The following ATP6V0D1 variants were observed in gnomAD, a reference collection of about 807,000 sequenced individuals.
ATP6V0D1 encodes ATPase H+ transporting V0 subunit d1, also known as V-type proton ATPase subunit d 1.
A neutral mutation model predicts 39.0 loss-of-function variants in ATP6V0D1; 13 were observed. The ratio of observed to expected loss-of-function variants is 0.33; its 90% CI spans 0.22 to 0.53. The LOEUF (loss-of-function observed/expected upper bound fraction) is 0.53. Ranked by LOEUF, ATP6V0D1 falls within the 20% of genes least tolerant of loss-of-function variation. The probability of loss-of-function intolerance (pLI) is 0.94; values close to 1 mark genes in which losing one functional copy is unlikely to be tolerated. For synonymous variants in ATP6V0D1, 191 were observed against 191.2 expected (o/e 1.00, Z 0.01); for missense variants, 272 against 470.9 (o/e 0.58, Z 3.91).
chr16:67,458,617 C>G (rs565208154), intron 1 of ATP6V0D1, among the ~76,000 whole-genome samples: 3 of 152,206 alleles, frequency 2.0e-5, no homozygotes, highest in Admixed American at 1.3e-4. Flanking sequence ...CATGGCCCAA[C>G]AACAGGAATG....
chr16:67,476,296 GGC>G (rs1221675322), intron 1 of ATP6V0D1, among the ~76,000 whole-genome samples: 2,521 of 150,932 alleles, frequency 0.017, 73 homozygotes, highest in African/African-American at 0.056. Context: ...AAAAAGACTT[GGC>G]AGTCAACTGA....
At chr16:67,459,133 G>A (rs1379376540) in intron 1 of ATP6V0D1, 9 of 985,434 alleles carry the variant, frequency 9.1e-6, no homozygotes, top group Non-Finnish European at 6.0e-6. Context: ...GCTACTTGCT[G>A]GCCAGAGTGA....
At chr16:67,457,762 C>A in intron 1 of ATP6V0D1, 1 of 644,150 alleles carries the variant, frequency 1.6e-6, no homozygotes, top group Non-Finnish European at 2.5e-6. Context: ...AAGCAAACAC[C>A]CCTGTGCCTT....
chr16:67,476,980 C>G (rs761536908), intron 1 of ATP6V0D1, among the ~76,000 whole-genome samples: 2 of 146,642 alleles, frequency 1.4e-5, no homozygotes, highest in East Asian at 4.0e-4. Context: ...TTGCAGTGAG[C>G]CGAGATGTCC....
In ATP6V0D1 at chr16:67,453,705, C is replaced by G. The variant is rs2041207477; in HGVS notation, c.141G>C (p.Leu47=). The G allele has an allele frequency of 6.2e-7, 1 of 1,613,828 alleles. No homozygotes were observed. The highest frequency in any genetic ancestry group is 1.3e-5 in the African/African-American group (1 of 74,908). Residue 47 remains leucine (L), a synonymous_variant, in exon 2 of 8, where the codon CTG becomes CTC. Transcript: ENST00000290949. The surrounding 1 kb of genome is among the most constrained non-coding windows in gnomAD (Gnocchi z 4.1). ...TACCATAATCAGTGCTCTGCAGATG[C>G]AGTTTCAAGTCTGAAACCCAAGGGT... ...VQCETLEDLK[L]HLQSTDYGNF... is the part of the protein sequence containing the mutation.
At chr16:67,441,667 G>A (rs575840180) in intron 4 of ATP6V0D1, 3 of 152,380 alleles carry the variant, frequency 2.0e-5, no homozygotes, top group South Asian at 2.1e-4. Context: ...CAAACAAGCT[G>A]AGCCAGGTGT....
chr16:67,469,035 C>T (rs144451786), intron 1 of ATP6V0D1, among the ~76,000 whole-genome samples: 42 of 152,278 alleles, frequency 2.8e-4, no homozygotes, highest in African/African-American at 9.6e-4. Flanking sequence ...AAAGGCCAGG[C>T]GCGGTGGCTC....
At chr16:67,459,882 G>C (rs2041275580) in intron 1 of ATP6V0D1, among the ~76,000 whole-genome samples, 1 of 152,248 alleles carries the variant, frequency 6.6e-6, no homozygotes, top group Non-Finnish European at 1.5e-5. Context: ...CCAGCATACT[G>C]GGCGGGGCAG....
At chr16:67,464,321 G>C (rs1046390502) in intron 1 of ATP6V0D1, among the ~76,000 whole-genome samples, 1 of 152,176 alleles carries the variant, frequency 6.6e-6, no homozygotes, top group African/African-American at 2.4e-5. Flanking sequence ...AATAGATAAA[G>C]GGGGAAAAAA....
intron 1 of ATP6V0D1, among the ~76,000 whole-genome samples, chr16:67,472,791 A>G (rs1230024638): frequency 6.6e-6 from 1 of 152,112 alleles, no homozygotes; most frequent in Non-Finnish European, 1.5e-5. Flanking sequence ...AATGGCGTGA[A>G]CCCAGGAGGC....
At chr16:67,449,275 C>T (rs1378512979) in intron 2 of ATP6V0D1, among the ~76,000 whole-genome samples, 1 of 152,230 alleles carries the variant, frequency 6.6e-6, no homozygotes, top group Non-Finnish European at 1.5e-5. Flanking sequence ...CATTCAAAGA[C>T]AAAGGCCTTT....
intron 1 of ATP6V0D1, among the ~76,000 whole-genome samples, chr16:67,462,346 C>A (rs1477074796): frequency 6.6e-6 from 1 of 152,232 alleles, no homozygotes; most frequent in African/African-American, 2.4e-5. Flanking sequence ...TATTTCTTCT[C>A]CAGGTTTGCC....
chr16:67,467,175 C>T (rs990784410), intron 1 of ATP6V0D1, among the ~76,000 whole-genome samples: 14 of 152,250 alleles, frequency 9.2e-5, no homozygotes, highest in Admixed American at 3.9e-4. Flanking sequence ...GCTTTTCCTC[C>T]CCCACACCCC....
At chr16:67,440,048 G>C (rs1471295239) in intron 4 of ATP6V0D1, 1 of 152,302 alleles carries the variant, frequency 6.6e-6, no homozygotes, top group Admixed American at 6.5e-5. Flanking sequence ...GTGTCCGTAG[G>C]CTGGTGAGGA....
intron 1 of ATP6V0D1, among the ~76,000 whole-genome samples, chr16:67,462,552 C>A (rs1240088689): frequency 1.3e-5 from 2 of 152,198 alleles, no homozygotes; most frequent in African/African-American, 4.8e-5. Context: ...AGGCTGGGCA[C>A]AGTGGCTCAC....
chr16:67,455,571 A>C (rs2041229716), intron 1 of ATP6V0D1: 1 of 152,188 alleles, frequency 6.6e-6, no homozygotes, highest in African/African-American at 2.4e-5. Context: ...GCAATTGACC[A>C]CTACTTTTCT....
intron 1 of ATP6V0D1, 70 bp downstream of exon 1, chr16:67,480,886 TC>T: frequency 6.4e-7 from 1 of 1,569,462 alleles, no homozygotes; most frequent in Non-Finnish European, 8.7e-7. Flanking sequence ...CCTTCCGGCT[TC>T]CCGGCCTACA....
In ATP6V0D1 at chr16:67,456,721, G is replaced by A. The variant is rs979847299; in HGVS notation, c.131-3006C>T. ...CCTAGAGGCCGGGCCAGATGTACAG[G>A]GTGAGCTCCAGAGAAAAACTCAGTC... On this transcript the variant is annotated intron_variant, in intron 1 of 7. Coordinates refer to ENST00000290949, the MANE Select transcript of ATP6V0D1 (RefSeq NM_004691.5). This position sits in a 1 kb window ranked among gnomAD's most constrained non-coding sequence, Gnocchi z 4.1. 1 of 152,242 alleles carries A rather than the reference G, an allele frequency of 6.6e-6. No homozygotes were observed. The highest frequency in any genetic ancestry group is 2.4e-5 in the African/African-American group (1 of 41,450). The allele number at this position is 152,242 out of a possible 1,614,324, so 9.4% of individuals were successfully genotyped here. A position where few individuals can be genotyped will look rare whatever the true frequency, so the allele number is the denominator to read the frequency against.
At chr16:67,477,065 TTAAG>T (rs2041421120) in intron 1 of ATP6V0D1, among the ~76,000 whole-genome samples, 4 of 143,936 alleles carry the variant, frequency 2.8e-5, no homozygotes, top group Non-Finnish European at 6.1e-5. Context: ...ACATCACCTA[TTAAG>T]TATTTACAAA....
Sources: gnomAD v4.1 joint callset for allele counts (sites outside exome capture counted in the v4.1 genomes callset) on GRCh38, gnomAD v4.1.1 for gene constraint, Gnocchi (gnomAD v3.1) non-coding constraint, MANE v1.5 for transcripts, NCBI Gene and HGNC (gene_info 2026-07-23, HGNC 2026-07-21) for gene names.